MGAT4C: variants seen among roughly 807,000 people sequenced by gnomAD.
The protein encoded by MGAT4C is alpha-1,3-mannosyl-glycoprotein 4-beta-N-acetylglucosaminyltransferase C.
A neutral mutation model predicts 40.1 loss-of-function variants in MGAT4C; 19 were observed. The ratio of observed to expected loss-of-function variants is 0.47; its 90% CI spans 0.33 to 0.70. The LOEUF (loss-of-function observed/expected upper bound fraction) is 0.70, where lower values mean the gene tolerates loss of function less well. Ranked by LOEUF, MGAT4C falls within the 30% of genes least tolerant of loss-of-function variation. The pLI, the probability that MGAT4C is intolerant of heterozygous loss-of-function variation, is 0.02. For missense variants in MGAT4C, 491 were observed against 563.2 expected, an observed-to-expected ratio of 0.87 and a Z score of 1.30; for synonymous variants, 181 against 187.1, an observed-to-expected ratio of 0.97 and a Z score of 0.27.
At chr12:86,405,576 A>G (rs969541811) in intron 3 of MGAT4C, among the ~76,000 whole-genome samples, 1 of 151,970 alleles carries the variant, frequency 6.6e-6, no homozygotes, top group Admixed American at 6.6e-5. Flanking sequence ...TACAGTTGTA[A>G]AGCAATTCTT....
intron 1 of MGAT4C, among the ~76,000 whole-genome samples, chr12:86,240,214 A>ATG (rs1555255445): frequency 1.3e-5 from 2 of 151,098 alleles, no homozygotes; most frequent in African/African-American, 4.9e-5. Context: ...ATATATATAT[A>ATG]TGTGTATTTT....
intron 1 of MGAT4C, among the ~76,000 whole-genome samples, chr12:86,104,157 TA>T (rs973995575): frequency 1.1e-4 from 16 of 151,716 alleles, no homozygotes; most frequent in African/African-American, 3.9e-4. Context: ...ACATTGTCTC[TA>T]AAGCCTGTAA....
chr12:86,077,864 A>T (rs1051125910), intron 1 of MGAT4C, among the ~76,000 whole-genome samples: 1 of 152,174 alleles, frequency 6.6e-6, no homozygotes, highest in African/African-American at 2.4e-5. Flanking sequence ...GCAGAGGTCA[A>T]TCACCCCAGC....
intron 3 of MGAT4C, 86 bp from the exon 4 acceptor site, chr12:85,983,756 T>C (rs1425849015): frequency 1.8e-6 from 2 of 1,106,494 alleles, no homozygotes; most frequent in Non-Finnish European, 2.5e-6. Flanking sequence ...ACAATAAATG[T>C]ACGACTACAA....
At chr12:86,757,928 C>T (rs2136148628) in intron 1 of MGAT4C, among the ~76,000 whole-genome samples, 1 of 152,214 alleles carries the variant, frequency 6.6e-6, no homozygotes, top group South Asian at 2.1e-4. Flanking sequence ...CTTTTAAAAC[C>T]TCTTAAATTC....
intron 2 of MGAT4C, among the ~76,000 whole-genome samples, chr12:86,701,961 G>A (rs1234950791): frequency 6.6e-6 from 1 of 152,160 alleles, no homozygotes; most frequent in Non-Finnish European, 1.5e-5. Context: ...AAGTTCTGAT[G>A]TAGAAGCTGC....
At chr12:86,103,767 C>T (rs1361274077) in intron 1 of MGAT4C, among the ~76,000 whole-genome samples, 1 of 152,094 alleles carries the variant, frequency 6.6e-6, no homozygotes. Flanking sequence ...ATTCTTCCCT[C>T]GCTCATGCAG....
At chr12:86,325,775 G>A (rs750089760) in intron 4 of MGAT4C, among the ~76,000 whole-genome samples, 2 of 152,098 alleles carry the variant, frequency 1.3e-5, no homozygotes, top group Non-Finnish European at 1.5e-5. Context: ...TACCCAGGAG[G>A]CTGAAGCGGG....
intron 2 of MGAT4C, among the ~76,000 whole-genome samples, chr12:86,527,010 C>A (rs996905927): frequency 6.6e-6 from 1 of 152,162 alleles, no homozygotes; most frequent in Non-Finnish European, 1.5e-5. Context: ...CCAGCTTCCT[C>A]CTCCTTCAGT....
chr12:86,468,160 T>G (rs1475683362), intron 2 of MGAT4C, among the ~76,000 whole-genome samples: 1 of 152,014 alleles, frequency 6.6e-6, no homozygotes, highest in Admixed American at 6.6e-5. Context: ...AAAATAAAAC[T>G]CCTCATTCTT....
At chr12:86,324,584 GA>G (rs1291563493) in intron 4 of MGAT4C, among the ~76,000 whole-genome samples, 1 of 151,848 alleles carries the variant, frequency 6.6e-6, no homozygotes. Flanking sequence ...ATTTGAAAGG[GA>G]AAATATATAA....
At chr12:86,013,261 A>AT (rs951074573) in intron 2 of MGAT4C, among the ~76,000 whole-genome samples, 5 of 151,674 alleles carry the variant, frequency 3.3e-5, no homozygotes, top group African/African-American at 1.2e-4. Flanking sequence ...GTACCAAGTA[A>AT]TTTTTTTTTG....
chr12:86,282,479 T>C (rs1449433450), intron 4 of MGAT4C, among the ~76,000 whole-genome samples: 2 of 152,062 alleles, frequency 1.3e-5, no homozygotes, highest in African/African-American at 2.4e-5. Context: ...GTTAATTTAC[T>C]GTGTTTATAT....
intron 2 of MGAT4C, among the ~76,000 whole-genome samples, chr12:86,694,215 C>G (rs1169455440): frequency 6.6e-6 from 1 of 152,090 alleles, no homozygotes. Context: ...GCCCTAGTTA[C>G]CACCTCTACA....
chr12:86,446,844 A>C (rs1165044572), intron 2 of MGAT4C, among the ~76,000 whole-genome samples: 1 of 150,860 alleles, frequency 6.6e-6, no homozygotes, highest in African/African-American at 2.4e-5. Context: ...GGTAATACTA[A>C]CCCTACCTGT....
At chr12:86,692,094 T>A (rs1221129394) in intron 2 of MGAT4C, among the ~76,000 whole-genome samples, 1 of 152,114 alleles carries the variant, frequency 6.6e-6, no homozygotes, top group African/African-American at 2.4e-5. Context: ...AGAAATTTTT[T>A]AAAAAATGGA....
chr12:86,558,366 A>C (rs1334258999), intron 2 of MGAT4C, among the ~76,000 whole-genome samples: 2 of 152,124 alleles, frequency 1.3e-5, no homozygotes, highest in African/African-American at 4.8e-5. Flanking sequence ...AAGATTCCCA[A>C]ATAGATTTAA....
chr12:86,086,398 C>A (rs974458485), intron 1 of MGAT4C, among the ~76,000 whole-genome samples: 1 of 151,430 alleles, frequency 6.6e-6, no homozygotes, highest in African/African-American at 2.4e-5. Flanking sequence ...GGGTGGGGAG[C>A]AAGGGGAGGA....
chr12:86,740,571 A>G (rs1421315343), intron 1 of MGAT4C, among the ~76,000 whole-genome samples: 1 of 151,294 alleles, frequency 6.6e-6, no homozygotes, highest in Non-Finnish European at 1.5e-5. Flanking sequence ...GCATAAAACC[A>G]TTTCTGCACA....
Sources: gnomAD v4.1 joint callset for allele counts (sites outside exome capture counted in the v4.1 genomes callset) on GRCh38, gnomAD v4.1.1 for gene constraint, MANE v1.5 for transcripts, NCBI Gene and HGNC (gene_info 2026-07-23, HGNC 2026-07-21) for gene names.